Variants in IQCH observed in about 807,000 individuals in gnomAD.
IQCH encodes the protein IQ domain-containing protein H.
IQCH carries 98 observed loss-of-function variants against 117.0 expected under a neutral mutation model. That is an observed-to-expected ratio of 0.84 (90% confidence interval 0.71 to 0.99). The LOEUF (loss-of-function observed/expected upper bound fraction) is 0.99. Among genes scored for constraint, IQCH ranks in the 50% least tolerant of loss-of-function variants. The pLI is 0.00. For missense variants in IQCH, 1,102 were observed against 1,243.8 expected, an observed-to-expected ratio of 0.89 and a Z score of 1.72; for synonymous variants, 412 against 448.2, an observed-to-expected ratio of 0.92 and a Z score of 1.02.
At chr15:67,357,699 C>T (rs1969951379) in intron 7 of IQCH, among the ~76,000 whole-genome samples, 1 of 152,112 alleles carries the variant, frequency 6.6e-6, no homozygotes, top group Non-Finnish European at 1.5e-5. Context: ...GTCAGGAGTC[C>T]AGTAGCTATT....
intron 4 of IQCH, among the ~76,000 whole-genome samples, chr15:67,336,112 A>G (rs1004900414): frequency 4.6e-5 from 7 of 152,130 alleles, no homozygotes; most frequent in African/African-American, 1.7e-4. Flanking sequence ...ATGGCCTGAA[A>G]CAAATTTCTA....
intron 4 of IQCH, among the ~76,000 whole-genome samples, chr15:67,333,749 T>C (rs1459163790): frequency 1.3e-5 from 2 of 152,320 alleles, no homozygotes; most frequent in Non-Finnish European, 2.9e-5. Context: ...AGCTTTTCTA[T>C]ATTTTTTACA....
At chr15:67,270,548 A>G (rs1451713174) in intron 3 of IQCH, among the ~76,000 whole-genome samples, 1 of 152,024 alleles carries the variant, frequency 6.6e-6, no homozygotes, top group Non-Finnish European at 1.5e-5. Context: ...TCATGAATGG[A>G]TTGGTGCCAT....
rs2140839496 is a variant in IQCH at position 67,388,838 on chromosome 15, T to C, written c.1464T>C (p.Asn488=). 6.2e-7 allele frequency: 1 copy of C among 1,612,916 alleles called. No homozygotes were observed. Among genetic ancestry groups the C allele is most frequent in the East Asian group, 2.2e-5 (1 of 44,860 alleles). The part of the protein sequence containing the change: ...LGRLCDILDA[N]VNVIYICSHH... The stretch of plus-strand genomic sequence containing the variant: ...TGTGCCTGTTGTTTTTAGATGCCAA[T>C]GTGAATGTCATCTACATCTGCTCCC... Residue 488 remains asparagine, a synonymous_variant, in exon 12 of 21, where the codon AAT becomes AAC. Coordinates refer to ENST00000335894, the MANE Select transcript of IQCH (RefSeq NM_001031715.3). This position sits in a 1 kb window ranked among gnomAD's most constrained non-coding sequence, Gnocchi z 5.5.
At chr15:67,498,628 AT>A (rs1374571477) in intron 20 of IQCH, among the ~76,000 whole-genome samples, 1 of 148,780 alleles carries the variant, frequency 6.7e-6, no homozygotes, top group African/African-American at 2.5e-5. Flanking sequence ...AAAAAAAAAA[AT>A]AAGTTAAAAT....
intron 1 of IQCH, among the ~76,000 whole-genome samples, chr15:67,258,947 G>A (rs1393917701): frequency 1.3e-5 from 2 of 152,186 alleles, no homozygotes; most frequent in Non-Finnish European, 2.9e-5. Flanking sequence ...AAACAGATGA[G>A]TGGTTGTTAA....
At chr15:67,255,127 G>T in intron 1 of IQCH, 180 bp downstream of exon 1, 1 of 649,632 alleles carries the variant, frequency 1.5e-6, no homozygotes. Flanking sequence ...GCACACTCCC[G>T]GTGACTTACC....
Position 67,454,916 on chromosome 15 carries a change from T to C in IQCH, c.2506-10211T>C, listed in dbSNP as rs1266428531. 5.3e-5 allele frequency among the ~76,000 whole-genome samples: 8 copies of C among 152,236 alleles called. No individual in the cohort carries two copies. Among genetic ancestry groups the C allele is most frequent in the Non-Finnish European group, 1.0e-4 (7 of 68,044 alleles). On this transcript the variant is annotated intron_variant, in intron 16 of 20. Coordinates refer to ENST00000335894, the MANE Select transcript of IQCH (RefSeq NM_001031715.3). This position sits in a 1 kb window ranked among gnomAD's most constrained non-coding sequence, Gnocchi z 5.2. ...TGTGTTTTCATTTGTCTTGGTTATA[T>C]ACCTAAGAGCAGAACTGATGGGTCA...
chr15:67,446,287 T>C (rs571161684), intron 16 of IQCH, among the ~76,000 whole-genome samples: 15 of 152,354 alleles, frequency 9.8e-5, no homozygotes, highest in Admixed American at 7.8e-4. Flanking sequence ...ATTTAATGCT[T>C]AGCAGATAAC....
At chr15:67,486,606 A>C (rs1192836318) in intron 18 of IQCH, among the ~76,000 whole-genome samples, 2 of 152,218 alleles carry the variant, frequency 1.3e-5, no homozygotes, top group Non-Finnish European at 2.9e-5. Flanking sequence ...ACTTACTAGA[A>C]AGGATTTGTT....
At chr15:67,277,749 G>A (rs998734181) in intron 3 of IQCH, among the ~76,000 whole-genome samples, 6 of 151,994 alleles carry the variant, frequency 3.9e-5, no homozygotes, top group African/African-American at 1.5e-4. Context: ...TAGCCAGGAT[G>A]GTCTCGATCT....
intron 4 of IQCH, chr15:67,304,481 C>A (rs1967204635): frequency 9.4e-7 from 1 of 1,062,426 alleles, no homozygotes; most frequent in Non-Finnish European, 1.4e-6. Context: ...TTTTAATGAG[C>A]TCTTATTTTT....
chr15:67,383,057 A>G (rs1489015792), intron 10 of IQCH, among the ~76,000 whole-genome samples: 1 of 152,186 alleles, frequency 6.6e-6, no homozygotes, highest in Non-Finnish European at 1.5e-5. Flanking sequence ...GTCATTGTAC[A>G]TTGCGTTGTA....
intron 6 of IQCH, among the ~76,000 whole-genome samples, chr15:67,349,619 A>AAAG (rs939820376): frequency 6.6e-6 from 1 of 151,478 alleles, no homozygotes; most frequent in African/African-American, 2.4e-5. Context: ...AAAAAAAAAA[A>AAAG]AAAGGAAAGA....
chr15:67,442,749 A>G (rs982432929), intron 16 of IQCH, among the ~76,000 whole-genome samples: 39 of 152,092 alleles, frequency 2.6e-4, no homozygotes, highest in African/African-American at 8.7e-4. Flanking sequence ...TAGCAGCACA[A>G]TTCACAATTG....
intron 18 of IQCH, among the ~76,000 whole-genome samples, chr15:67,478,615 G>A (rs1350546793): frequency 6.6e-6 from 1 of 151,842 alleles, no homozygotes; most frequent in Non-Finnish European, 1.5e-5. Context: ...AGAGGAGGAG[G>A]GGATAATCAG....
chr15:67,287,890 T>A (rs1966621181), intron 4 of IQCH, among the ~76,000 whole-genome samples: 1 of 152,028 alleles, frequency 6.6e-6, no homozygotes, highest in African/African-American at 2.4e-5. Flanking sequence ...GCTATAAACT[T>A]CCCTCTTAGC....
chr15:67,291,287 G>T (rs1966743090), intron 4 of IQCH, among the ~76,000 whole-genome samples: 1 of 152,138 alleles, frequency 6.6e-6, no homozygotes, highest in Non-Finnish European at 1.5e-5. Flanking sequence ...TAAATGCATA[G>T]TTTCCCAAAT....
chr15:67,260,401 A>G (rs1005513465), intron 1 of IQCH, among the ~76,000 whole-genome samples: 2 of 152,216 alleles, frequency 1.3e-5, no homozygotes, highest in Non-Finnish European at 2.9e-5. Flanking sequence ...CTTTTTCTTC[A>G]GGGATTATTT....
Sources: gnomAD v4.1 joint callset for allele counts (sites outside exome capture counted in the v4.1 genomes callset) on GRCh38, gnomAD v4.1.1 for gene constraint, Gnocchi (gnomAD v3.1) non-coding constraint, MANE v1.5 for transcripts, NCBI Gene and HGNC (gene_info 2026-07-23, HGNC 2026-07-21) for gene names.